THSD7A: variants seen among roughly 807,000 people sequenced by gnomAD.
The protein encoded by THSD7A is thrombospondin type 1 domain containing 7A.
In THSD7A, 96 loss-of-function variants were observed where a neutral mutation model predicts 231.3. The ratio of observed to expected loss-of-function variants is 0.41; its 90% CI spans 0.35 to 0.49. The LOEUF (loss-of-function observed/expected upper bound fraction) is 0.49, where lower values mean the gene tolerates loss of function less well. THSD7A is among the 20% of genes least tolerant of loss of function. The probability of loss-of-function intolerance (pLI) is 0.05; values close to 1 mark genes in which losing one functional copy is unlikely to be tolerated. For synonymous variants in THSD7A, 940 were observed against 743.3 expected, an observed-to-expected ratio of 1.26 and a Z score of -4.30; for missense variants, 2,290 against 2,070.2, an observed-to-expected ratio of 1.11 and a Z score of -2.06.
intron 6 of THSD7A, among the ~76,000 whole-genome samples, chr7:11,494,432 C>T (rs541017711): frequency 6.6e-6 from 1 of 151,910 alleles, no homozygotes; most frequent in Non-Finnish European, 1.5e-5. Flanking sequence ...AAACCTCTCC[C>T]CAATCTAAAT....
chr7:11,706,631 T>A (rs942165090), intron 1 of THSD7A, among the ~76,000 whole-genome samples: 4 of 22,182 alleles, frequency 1.8e-4, no homozygotes, highest in African/African-American at 3.8e-4. Flanking sequence ...AACAAGGTGC[T>A]TTTTTTTTTT....
intron 2 of THSD7A, among the ~76,000 whole-genome samples, chr7:11,624,342 G>T (rs181361252): frequency 9.1e-4 from 139 of 152,192 alleles, no homozygotes; most frequent in African/African-American, 3.1e-3. Flanking sequence ...CTGAAGAAAA[G>T]GCCAGATTTT....
intron 1 of THSD7A, among the ~76,000 whole-genome samples, chr7:11,643,026 C>A (rs1782144209): frequency 6.6e-6 from 1 of 152,078 alleles, no homozygotes; most frequent in Non-Finnish European, 1.5e-5. Context: ...TGGCCAGCAA[C>A]TGTTCCAAAG....
intron 1 of THSD7A, among the ~76,000 whole-genome samples, chr7:11,695,161 C>T (rs1039351646): frequency 6.6e-6 from 1 of 151,512 alleles, no homozygotes; most frequent in African/African-American, 2.4e-5. Context: ...TTTCATAGAT[C>T]TTTCATCACA....
chr7:11,790,955 A>G (rs775114154), intron 1 of THSD7A, among the ~76,000 whole-genome samples: 10 of 151,972 alleles, frequency 6.6e-5, no homozygotes, highest in Non-Finnish European at 1.2e-4. Flanking sequence ...AATCCGTTAT[A>G]GAGATCCCTC....
chr7:11,744,788 T>C (rs1782229071), intron 1 of THSD7A, among the ~76,000 whole-genome samples: 3 of 152,116 alleles, frequency 2.0e-5, no homozygotes, highest in Non-Finnish European at 2.9e-5. Flanking sequence ...TTTTTATGGC[T>C]GCATAGTATT....
intron 26 of THSD7A, 173 bp downstream of exon 26, chr7:11,378,897 A>AT (rs1383446790): frequency 3.1e-6 from 2 of 636,104 alleles, no homozygotes; most frequent in Non-Finnish European, 5.2e-6. Context: ...AACATGAGTT[A>AT]TTTTCCATAA....
chr7:11,431,064 T>A (rs774604781), intron 13 of THSD7A, among the ~76,000 whole-genome samples: 4 of 152,208 alleles, frequency 2.6e-5, no homozygotes, highest in African/African-American at 4.8e-5. Flanking sequence ...TCAGGAAGTG[T>A]CAAACTGTTT....
chr7:11,491,386 C>T (rs1786886438), intron 6 of THSD7A, among the ~76,000 whole-genome samples: 1 of 149,582 alleles, frequency 6.7e-6, no homozygotes, highest in South Asian at 2.2e-4. Flanking sequence ...TACTAAGACA[C>T]ATGGCATTCT....
At chr7:11,560,101 G>A (rs1454793543) in intron 4 of THSD7A, among the ~76,000 whole-genome samples, 1 of 152,088 alleles carries the variant, frequency 6.6e-6, no homozygotes, top group African/African-American at 2.4e-5. Flanking sequence ...ATAAGCTAGA[G>A]CATAATCACC....
chr7:11,692,567 T>G (rs926865260), intron 1 of THSD7A, among the ~76,000 whole-genome samples: 7 of 151,568 alleles, frequency 4.6e-5, no homozygotes, highest in African/African-American at 1.7e-4. Flanking sequence ...ACAAAGCTAC[T>G]CTGGTGTGAA....
chr7:11,740,551 T>A (rs1782079778), intron 1 of THSD7A, among the ~76,000 whole-genome samples: 1 of 151,936 alleles, frequency 6.6e-6, no homozygotes, highest in Admixed American at 6.6e-5. Context: ...CTTTTCCCCC[T>A]CAGCAGCTGG....
At chr7:11,580,564 G>T (rs1380069929) in intron 4 of THSD7A, among the ~76,000 whole-genome samples, 1 of 152,136 alleles carries the variant, frequency 6.6e-6, no homozygotes, top group East Asian at 1.9e-4. Flanking sequence ...TTAAAAGAAT[G>T]AAATCATATC....
chr7:11,631,703 G>C (rs1468250427), intron 2 of THSD7A, among the ~76,000 whole-genome samples: 2 of 152,162 alleles, frequency 1.3e-5, no homozygotes, highest in Admixed American at 1.3e-4. Context: ...TATCGTGTCT[G>C]CTAGGATTGG....
Position 11,761,669 on chromosome 7 carries a change from A to G in THSD7A, c.190+70088T>C, listed in dbSNP as rs139077399. Among the ~76,000 whole-genome samples the G allele has an allele frequency of 3.7e-4, 56 of 152,254 alleles. No homozygotes were observed. The East Asian group carries it at 9.9e-3, about 27-fold the overall frequency. ...ACCTTCCAAGTGACTTGCAAATGTC[A>G]ATTTCTAACAACCCTTTAATCTTGT... On this transcript the variant is annotated intron_variant, in intron 1 of 27. Transcript: ENST00000423059.
At chr7:11,567,667 G>T (rs1330742214) in intron 4 of THSD7A, among the ~76,000 whole-genome samples, 1 of 152,148 alleles carries the variant, frequency 6.6e-6, no homozygotes, top group Non-Finnish European at 1.5e-5. Context: ...TTCAGGTAAG[G>T]CCTGAGCTGC....
chr7:11,562,240 T>C (rs972958872), intron 4 of THSD7A, among the ~76,000 whole-genome samples: 10 of 151,824 alleles, frequency 6.6e-5, no homozygotes, highest in African/African-American at 2.4e-4. Context: ...AATGTACAAA[T>C]GTACATTTTT....
chr7:11,795,101 C>T (rs1212427782), intron 1 of THSD7A, among the ~76,000 whole-genome samples: 7 of 151,658 alleles, frequency 4.6e-5, no homozygotes, highest in East Asian at 1.9e-4. Flanking sequence ...TTTAACAGAA[C>T]GTCACAGGGG....
intron 16 of THSD7A, among the ~76,000 whole-genome samples, chr7:11,423,773 T>G (rs1025155081): frequency 2.0e-5 from 3 of 152,124 alleles, no homozygotes; most frequent in African/African-American, 7.2e-5. Context: ...TCTTGGTACA[T>G]TATTTAGCAC....
Sources: gnomAD v4.1 joint callset for allele counts (sites outside exome capture counted in the v4.1 genomes callset) on GRCh38, gnomAD v4.1.1 for gene constraint, MANE v1.5 for transcripts, NCBI Gene and HGNC (gene_info 2026-07-23, HGNC 2026-07-21) for gene names.